The following GRM5 variants were observed in gnomAD, a reference collection of about 807,000 sequenced individuals.
GRM5 encodes the protein metabotropic glutamate receptor 5.
In GRM5, 19 loss-of-function variants were observed where a neutral mutation model predicts 83.1. The observed-to-expected ratio is 0.23, with a 90% confidence interval of 0.16 to 0.34. GRM5 has a LOEUF of 0.34. Ranked by LOEUF, GRM5 falls within the 10% of genes least tolerant of loss-of-function variation. GRM5 has a pLI of 1.00. For synonymous variants in GRM5, 675 were observed against 633.6 expected (o/e 1.07, Z -0.98); for missense variants, 1,160 against 1,588.3 (o/e 0.73, Z 4.58).
chr11:88,640,304 T>C (rs1290598819), intron 4 of GRM5, among the ~76,000 whole-genome samples: 15 of 152,212 alleles, frequency 9.9e-5, no homozygotes, highest in Admixed American at 9.8e-4. Flanking sequence ...TGTTCTAGTA[T>C]AGTCTTTCCT....
intron 2 of GRM5, among the ~76,000 whole-genome samples, chr11:89,007,385 G>A (rs1338832339): frequency 6.6e-6 from 1 of 152,184 alleles, no homozygotes; most frequent in East Asian, 1.9e-4. Context: ...GTGTTCAGGG[G>A]CATCTTTTGA....
chr11:88,745,294 G>C (rs200221840), intron 3 of GRM5, among the ~76,000 whole-genome samples: 2 of 113,504 alleles, frequency 1.8e-5, no homozygotes, highest in Non-Finnish European at 3.8e-5. Flanking sequence ...TCAACCCTTC[G>C]GGCTCAATCC....
intron 2 of GRM5, among the ~76,000 whole-genome samples, chr11:88,906,078 T>C (rs1945397613): frequency 6.6e-6 from 1 of 152,228 alleles, no homozygotes; most frequent in South Asian, 2.1e-4. Flanking sequence ...AGCTGAGTTA[T>C]ATTGGTTACC....
In GRM5 at chr11:88,901,649, G is replaced by A. The variant is rs538814223; in HGVS notation, c.662-51494C>T. 2.0e-5 allele frequency among the ~76,000 whole-genome samples: 3 copies of A among 152,198 alleles called. No homozygotes were observed. In the South Asian group the frequency reaches 6.2e-4, roughly 32 times the overall value. ...AAGTGCCAGGGAATTTTGCCACCAA[G>A]TCTTCACATTAACTTTTCAGCAATA... On this transcript the variant is annotated intron_variant, in intron 2 of 9. Coordinates refer to ENST00000305447, the MANE Select transcript of GRM5 (RefSeq NM_001143831.3).
intron 3 of GRM5, among the ~76,000 whole-genome samples, chr11:88,733,943 T>C (rs867604805): frequency 6.6e-6 from 1 of 152,008 alleles, no homozygotes; most frequent in African/African-American, 2.4e-5. Flanking sequence ...TCTAGATCAC[T>C]AGTTTCCTGC....
chr11:88,637,903 C>T (rs1296692339), intron 4 of GRM5, among the ~76,000 whole-genome samples: 3 of 150,804 alleles, frequency 2.0e-5, no homozygotes, highest in South Asian at 2.1e-4. Flanking sequence ...TTGGAACCAA[C>T]CCAAATGTCC....
chr11:88,969,450 C>T (rs945014333), intron 2 of GRM5, among the ~76,000 whole-genome samples: 1 of 152,056 alleles, frequency 6.6e-6, no homozygotes, highest in African/African-American at 2.4e-5. Flanking sequence ...ATCAAAAGAA[C>T]ATCTTTATGT....
intron 2 of GRM5, among the ~76,000 whole-genome samples, chr11:88,892,173 T>C (rs1945156469): frequency 8.2e-6 from 1 of 121,636 alleles, no homozygotes; most frequent in African/African-American, 3.1e-5. Context: ...TTTTTTTTTT[T>C]TCAATAAGAC....
chr11:88,842,120 T>G (rs1590903529), intron 3 of GRM5, among the ~76,000 whole-genome samples: 1 of 152,210 alleles, frequency 6.6e-6, no homozygotes, highest in Admixed American at 6.5e-5. Context: ...CTTCTTATAA[T>G]AGATTGGTGT....
chr11:88,923,561 G>C (rs1243687090), intron 2 of GRM5, among the ~76,000 whole-genome samples: 1 of 152,050 alleles, frequency 6.6e-6, no homozygotes, highest in Non-Finnish European at 1.5e-5. Context: ...GTGTAGTGGG[G>C]AGTAGAGGAA....
At position 88,509,547 on chromosome 11, in the gene GRM5, C is replaced by G. The variant is rs780220320; in HGVS notation, c.2727-43G>C. 3.3e-6 allele frequency: 5 copies of G among 1,508,792 alleles called. No individual in the cohort carries two copies. The South Asian group carries it at 5.8e-5, about 17-fold the overall frequency. The allele number at this position is 1,508,792 out of a possible 1,614,324, so 93.5% of individuals were successfully genotyped here. A position where few individuals can be genotyped will look rare whatever the true frequency, so the allele number is the denominator to read the frequency against. ...AGGAAAGGTGACTCAGCGAGGTGCCCAGGGGGCTTGGATGCCGCTTCCCCA... is the reference window on the plus strand; with the variant it reads ...AGGAAAGGTGACTCAGCGAGGTGCCGAGGGGGCTTGGATGCCGCTTCCCCA... On this transcript the variant is annotated intron_variant, in intron 9 of 9. Transcript: ENST00000305447.
chr11:88,942,044 A>G (rs553050156), intron 2 of GRM5, among the ~76,000 whole-genome samples: 14 of 152,126 alleles, frequency 9.2e-5, no homozygotes, highest in African/African-American at 3.4e-4. Flanking sequence ...TTTTAGACAT[A>G]AAAACAAAAA....
At chr11:88,699,140 TCTTA>T (rs1156931618) in intron 3 of GRM5, among the ~76,000 whole-genome samples, 7 of 152,140 alleles carry the variant, frequency 4.6e-5, no homozygotes, top group African/African-American at 9.7e-5. Flanking sequence ...TAAGGGTCAT[TCTTA>T]CTTACGGCCT....
At chr11:88,747,809 A>G (rs1942175181) in intron 3 of GRM5, among the ~76,000 whole-genome samples, 1 of 119,750 alleles carries the variant, frequency 8.4e-6, no homozygotes, top group South Asian at 4.8e-4. Context: ...CTGCTTAGAA[A>G]CTGATTTGTG....
intron 3 of GRM5, among the ~76,000 whole-genome samples, chr11:88,667,378 A>G (rs1298182820): frequency 6.6e-6 from 1 of 152,140 alleles, no homozygotes; most frequent in Non-Finnish European, 1.5e-5. Flanking sequence ...CCAGCATGAA[A>G]CCTACCAAAA....
At chr11:88,723,860 T>C (rs377707140) in intron 3 of GRM5, among the ~76,000 whole-genome samples, 5 of 152,270 alleles carry the variant, frequency 3.3e-5, no homozygotes, top group African/African-American at 1.2e-4. Context: ...TATTTATTTA[T>C]TCCTTACTTC....
At chr11:88,737,149 C>T (rs996390047) in intron 3 of GRM5, among the ~76,000 whole-genome samples, 2 of 152,054 alleles carry the variant, frequency 1.3e-5, no homozygotes, top group Non-Finnish European at 2.9e-5. Flanking sequence ...GAAAAGATTT[C>T]ATGTCTTCAA....
At chr11:88,982,635 TAC>T (rs1939564693) in intron 2 of GRM5, among the ~76,000 whole-genome samples, 1 of 152,196 alleles carries the variant, frequency 6.6e-6, no homozygotes, top group African/African-American at 2.4e-5. Flanking sequence ...TTTTGTTTTA[TAC>T]ACACACAATA....
At chr11:88,650,074 T>G (rs1159670917) in intron 4 of GRM5, among the ~76,000 whole-genome samples, 1 of 151,880 alleles carries the variant, frequency 6.6e-6, no homozygotes, top group African/African-American at 2.4e-5. Flanking sequence ...AACTAAGGAC[T>G]CAGTTGGTAA....
Sources: gnomAD v4.1 joint callset for allele counts (sites outside exome capture counted in the v4.1 genomes callset) on GRCh38, gnomAD v4.1.1 for gene constraint, MANE v1.5 for transcripts, NCBI Gene and HGNC (gene_info 2026-07-23, HGNC 2026-07-21) for gene names.